The following CNOT4 variants were observed in gnomAD, a reference collection of about 807,000 sequenced individuals.
CNOT4 encodes CCR4-NOT transcription complex subunit 4.
Under a neutral mutation model 73.8 loss-of-function variants are expected in CNOT4, and 8 were observed. That is an observed-to-expected ratio of 0.11 (90% CI 0.06 to 0.20). The LOEUF (loss-of-function observed/expected upper bound fraction) is 0.20. Among genes scored for constraint, CNOT4 ranks in the 10% least tolerant of loss-of-function variants. The pLI, the probability that CNOT4 is intolerant of heterozygous loss-of-function variation, is 1.00. For synonymous variants in CNOT4, 293 were observed against 321.1 expected (o/e 0.91, Z 0.94); for missense variants, 564 against 883.4 (o/e 0.64, Z 4.58).
intron 10 of CNOT4, among the ~76,000 whole-genome samples, chr7:135,391,145 T>C (rs914536340): frequency 6.6e-6 from 1 of 152,158 alleles, no homozygotes; most frequent in African/African-American, 2.4e-5. Flanking sequence ...GATGTATATA[T>C]AGTTTTCCAG....
intron 1 of CNOT4, among the ~76,000 whole-genome samples, chr7:135,465,866 G>A (rs552039885): frequency 5.9e-5 from 9 of 151,716 alleles, no homozygotes; most frequent in Non-Finnish European, 1.2e-4. Context: ...TGACCAACAC[G>A]GTGAAACCCC....
intron 2 of CNOT4, among the ~76,000 whole-genome samples, chr7:135,429,720 A>G (rs1410722838): frequency 6.6e-6 from 1 of 152,244 alleles, no homozygotes. Context: ...CAACTGCAGA[A>G]CTAGACAAAA....
intron 7 of CNOT4, among the ~76,000 whole-genome samples, chr7:135,403,399 C>T (rs965816433): frequency 7.9e-5 from 12 of 152,184 alleles, no homozygotes; most frequent in Non-Finnish European, 1.8e-4. Flanking sequence ...TATACATTAA[C>T]ATGTAAAGTA....
At position 135,395,813 on chromosome 7, in the gene CNOT4, G is replaced by A. The variant is rs74772890; in HGVS notation, c.950C>T (p.Ser317Leu). The change falls in exon 9 of 12, where the codon TCA becomes TTA. Residue 317 changes from serine to leucine, a missense_variant. Ser to Leu is a moderately radical substitution (Grantham distance 145, BLOSUM62 -2). Around this residue, in one of 10 missense-constraint regions of CNOT4, gnomAD observed 135 missense variants for 154.0 expected, o/e 0.88. Transcript: ENST00000541284. Reference sequence around the variant, plus strand: ...AGGGGACCGTGCACTGTGATTGGATGAACTGATGGGGATGACTGGATTGGA... The same window carrying A: ...AGGGGACCGTGCACTGTGATTGGATAAACTGATGGGGATGACTGGATTGGA... ...SKSNPVIPIS[S>L]SNHSARSPFE... 1.1e-5 allele frequency: 17 copies of A among 1,612,726 alleles called. No individual in the cohort carries two copies. In the East Asian group the frequency reaches 3.3e-4, roughly 32 times the overall value.
chr7:135,442,953 G>A (rs1471535837), intron 1 of CNOT4, among the ~76,000 whole-genome samples: 1 of 151,982 alleles, frequency 6.6e-6, no homozygotes, highest in East Asian at 1.9e-4. Flanking sequence ...CAGCTACTTG[G>A]GAGACTGAGG....
At chr7:135,472,439 T>A (rs560367509) in intron 1 of CNOT4, among the ~76,000 whole-genome samples, 157 of 117,244 alleles carry the variant, frequency 1.3e-3, no homozygotes, top group Non-Finnish European at 2.1e-3. Context: ...ATCATGCCAC[T>A]GCACTCCAGC....
chr7:135,482,323 A>C (rs1802434268), intron 1 of CNOT4, among the ~76,000 whole-genome samples: 1 of 152,136 alleles, frequency 6.6e-6, no homozygotes, highest in Admixed American at 6.6e-5. Flanking sequence ...TGGGAGGCCA[A>C]GGCAGGAGGG....
rs112476892 is a variant in CNOT4, at chr7:135,454,465, G to A, written c.-92-16042C>T. On this transcript the variant is annotated intron_variant, in intron 1 of 11. Transcript: ENST00000541284. Reference sequence around the variant, plus strand: ...GCTCAAGAGTTAAAGACCAGCCTGGGCAATATGGCGAAACCCTATCTCTAT... The same window carrying A: ...GCTCAAGAGTTAAAGACCAGCCTGGACAATATGGCGAAACCCTATCTCTAT... Among the ~76,000 whole-genome samples the A allele has an allele frequency of 2.6e-5, 4 of 151,670 alleles. 1 individual carries two copies. The highest frequency in any genetic ancestry group is 9.7e-5 in the African/African-American group (4 of 41,344).
chr7:135,422,443 G>T (rs977572927), intron 2 of CNOT4, 90 bp from the exon 3 acceptor site: 4 of 679,102 alleles, frequency 5.9e-6, no homozygotes, highest in African/African-American at 3.6e-5. Context: ...GTGGGTATGT[G>T]GTTATCTGTT....
At chr7:135,378,035 A>C (rs1795614765) in intron 10 of CNOT4, among the ~76,000 whole-genome samples, 1 of 152,202 alleles carries the variant, frequency 6.6e-6, no homozygotes, top group Admixed American at 6.5e-5. Flanking sequence ...AGAAGTGTTA[A>C]GTGACTTTTT....
chr7:135,435,122 T>C (rs1251319570), intron 2 of CNOT4, among the ~76,000 whole-genome samples: 1 of 152,208 alleles, frequency 6.6e-6, no homozygotes, highest in African/African-American at 2.4e-5. Context: ...ATTCTAAATA[T>C]TTATCTCTCA....
chr7:135,470,127 G>A (rs530279024), intron 1 of CNOT4, among the ~76,000 whole-genome samples: 1 of 150,482 alleles, frequency 6.6e-6, no homozygotes, highest in South Asian at 2.1e-4. Flanking sequence ...CGAGCCTGGT[G>A]TGTTTTTTTG....
At chr7:135,493,106 G>C (rs1803225512) in intron 1 of CNOT4, among the ~76,000 whole-genome samples, 1 of 152,156 alleles carries the variant, frequency 6.6e-6, no homozygotes, top group Non-Finnish European at 1.5e-5. Context: ...CCAGGCTCTT[G>C]GTTCCAGTCA....
At chr7:135,422,467 A>G in intron 2 of CNOT4, 114 bp from the exon 3 acceptor site, 1 of 617,300 alleles carries the variant, frequency 1.6e-6, no homozygotes, top group Non-Finnish European at 2.9e-6. Flanking sequence ...TTCTCCCTTT[A>G]TTAGAATGTT....
At chr7:135,506,135 A>T (rs564999607) in intron 1 of CNOT4, among the ~76,000 whole-genome samples, 1 of 152,358 alleles carries the variant, frequency 6.6e-6, no homozygotes, top group South Asian at 2.1e-4. Context: ...GGATATTTGC[A>T]GATTTTTCCT....
In CNOT4 at chr7:135,415,274, G is replaced by C. The variant is rs1279287367; in HGVS notation, c.373-12C>G. 1.4e-6 allele frequency: 2 copies of C among 1,399,968 alleles called. No individual in the cohort carries two copies. Among genetic ancestry groups the C allele is most frequent in the Non-Finnish European group, 1.0e-6 (1 of 986,672 alleles). The allele number at this position is 1,399,968 out of a possible 1,614,324, so 86.7% of individuals were successfully genotyped here. ...GGTCGTTTTAAAACCTATAAAAGAA[G>C]AAGAAATAAGGTATAAACTGTCCCC... On this transcript the variant is annotated splice_polypyrimidine_tract_variant and intron_variant, in intron 3 of 11. Transcript: ENST00000541284.
intron 1 of CNOT4, among the ~76,000 whole-genome samples, chr7:135,447,336 G>A (rs922782136): frequency 2.6e-5 from 4 of 152,114 alleles, no homozygotes; most frequent in Non-Finnish European, 5.9e-5. Context: ...AGGTGCCAAA[G>A]TACCAATGTA....
chr7:135,462,586 A>G (rs1800943675), intron 1 of CNOT4, among the ~76,000 whole-genome samples: 1 of 152,232 alleles, frequency 6.6e-6, no homozygotes, highest in African/African-American at 2.4e-5. Context: ...ACTTTTGTCC[A>G]TTACAGCTTC....
intron 3 of CNOT4, among the ~76,000 whole-genome samples, chr7:135,416,801 T>C (rs1325253695): frequency 6.6e-6 from 1 of 152,118 alleles, no homozygotes; most frequent in Non-Finnish European, 1.5e-5. Context: ...GGAGAGACTG[T>C]TAAAGTGACT....
Sources: allele counts gnomAD v4.1 joint callset (sites outside exome capture counted in the v4.1 genomes callset), GRCh38; gene constraint gnomAD v4.1.1; regional missense constraint gnomAD v4.1.1; transcripts MANE v1.5; gene names NCBI Gene and HGNC (gene_info 2026-07-23, HGNC 2026-07-21).